Variants in ACSS1 observed in about 807,000 individuals in gnomAD.
ACSS1 encodes the protein acyl-CoA synthetase short chain family member 1.
In ACSS1, 42 loss-of-function variants were observed where a neutral mutation model predicts 75.3. The observed-to-expected ratio is 0.56, with a 90% CI of 0.44 to 0.72. The LOEUF (loss-of-function observed/expected upper bound fraction) is 0.72. Ranked by LOEUF, ACSS1 falls within the 30% of genes least tolerant of loss-of-function variation. ACSS1 has a pLI of 0.00. For synonymous variants in ACSS1, 380 were observed against 376.8 expected, an observed-to-expected ratio of 1.01 and a Z score of -0.10; for missense variants, 782 against 935.7, an observed-to-expected ratio of 0.84 and a Z score of 2.14.
chr20:25,013,573 G>A lies in ACSS1; in HGVS notation c.1542C>T (p.His514=), dbSNP rs143222563. 2 of 1,607,420 alleles carry A rather than the reference G, an allele frequency of 1.2e-6. No homozygotes were observed. The highest frequency in any genetic ancestry group is 1.1e-5 in the South Asian group (1 of 90,920). Residue 514 remains histidine, a synonymous_variant, in exon 10 of 14, where the codon CAC becomes CAT. Transcript: ENST00000323482. ...PGMARTIYGD[H]QRFVDAYFKA... ...TGAAGTAGGCGTCCACAAATCGCTG[G>A]TGGTCGCCATAGATGGTCCTGGCCA...
At chr20:25,020,292 C>T (rs2088599103) in intron 6 of ACSS1, 145 bp from the exon 7 acceptor site, 4 of 1,138,462 alleles carry the variant, frequency 3.5e-6, no homozygotes, top group Non-Finnish European at 4.9e-6. Context: ...CCCCCCACCC[C>T]CGCCAGTGAA....
In ACSS1 at chr20:25,030,870, C is replaced by A. The variant is rs200650895; in HGVS notation, c.520G>T (p.Val174Leu). The change falls in exon 3 of 14, where the codon GTG (valine) becomes TTG (leucine). Residue 174 changes from valine (V) to leucine (L), a missense_variant. Physicochemically the swap from Val to Leu is conservative, Grantham distance 32. Around this residue, in one of 2 missense-constraint regions of ACSS1, gnomAD observed 377 missense variants for 383.1 expected, o/e 0.98. Coordinates refer to ENST00000323482, the MANE Select transcript of ACSS1 (RefSeq NM_032501.4). The stretch of plus-strand genomic sequence containing the variant: ...ATTGCTGCCACAGCCAATGGGGACA[C>A]GGGCATGTAGATGGCAACACGGTCC... Reference protein sequence around the residue: ...RGDRVAIYMPVSPLAVAAMLA... With the variant: ...RGDRVAIYMPLSPLAVAAMLA... 2 of 1,614,222 alleles carry A rather than the reference C, an allele frequency of 1.2e-6. No homozygotes were observed.
chr20:25,033,897 G>A (rs928294753), intron 2 of ACSS1, among the ~76,000 whole-genome samples: 1 of 152,240 alleles, frequency 6.6e-6, no homozygotes, highest in South Asian at 2.1e-4. Context: ...AAGCTGGACA[G>A]CTAAACGACA....
At chr20:25,048,447 G>T (rs182519832) in intron 1 of ACSS1, among the ~76,000 whole-genome samples, 2 of 152,282 alleles carry the variant, frequency 1.3e-5, no homozygotes, top group East Asian at 3.9e-4. Context: ...CTGCATATTG[G>T]CATCTCCTGG....
chr20:25,016,606 G>A (rs2088520619), intron 7 of ACSS1, among the ~76,000 whole-genome samples: 1 of 152,198 alleles, frequency 6.6e-6, no homozygotes, highest in Admixed American at 6.5e-5. Flanking sequence ...CATGCTGCAT[G>A]ATCAGTGCTG....
Position 25,007,613 on chromosome 20 carries a change from C to A in ACSS1, c.*149G>T. The stretch of plus-strand genomic sequence containing the variant: ...ATGGATGGGAGAAAGGGCTCTCAGC[C>A]CAGCTTCACGTGAGGGCGGTGTGGG... On this transcript the variant is annotated 3_prime_UTR_variant, in exon 14 of 14. Coordinates refer to ENST00000323482, the MANE Select transcript of ACSS1 (RefSeq NM_032501.4). 6.7e-7 allele frequency: 1 copy of A among 1,489,860 alleles called. No homozygotes were observed. Among genetic ancestry groups the A allele is most frequent in the Non-Finnish European group, 8.9e-7 (1 of 1,128,328 alleles). 92.3% of individuals were successfully genotyped at this position (1,489,860 alleles called of 1,614,324 possible). A position where few individuals can be genotyped will look rare whatever the true frequency, so the allele number is the denominator to read the frequency against.
chr20:25,034,428 C>T (rs1462882993), intron 2 of ACSS1, among the ~76,000 whole-genome samples: 1 of 152,124 alleles, frequency 6.6e-6, no homozygotes, highest in Admixed American at 6.5e-5. Context: ...GCTTTTCCTC[C>T]CCAGGTTCTC....
At chr20:25,045,080 C>G (rs1251559062) in intron 2 of ACSS1, among the ~76,000 whole-genome samples, 1 of 152,236 alleles carries the variant, frequency 6.6e-6, no homozygotes, top group Non-Finnish European at 1.5e-5. Flanking sequence ...AGTGAGTACT[C>G]AATAAATAGC....
intron 2 of ACSS1, chr20:25,032,746 C>G (rs947985337): frequency 5.6e-6 from 6 of 1,069,746 alleles, no homozygotes; most frequent in Non-Finnish European, 6.8e-6. Flanking sequence ...CCCGGGAAAC[C>G]ACAGCAGAAT....
rs754213423 is a variant in ACSS1 at position 25,012,926 on chromosome 20, A to G, written c.1593T>C (p.Thr531=). The G allele has an allele frequency of 4.3e-6, 7 of 1,614,098 alleles. No individual in the cohort carries two copies. The highest frequency in any genetic ancestry group is 1.7e-5 in the Admixed American group (1 of 60,002). Residue 531 remains threonine (T), a synonymous_variant, in exon 11 of 14, where the codon ACT becomes ACC. Transcript: ENST00000323482. ...YFKAYPGYYF[T]GDGAYRTEGG... is the part of the protein sequence containing the mutation. ...CCTCAGTTCGGTAAGCCCCGTCTCC[A>G]GTGAAGTAATAGCCTGCACCACAGC...
At position 25,012,629 on chromosome 20, in the gene ACSS1, A is replaced by G; in HGVS notation, c.1743T>C (p.Ile581=). The change falls in exon 12 of 14, where the codon ATT becomes ATC. Residue 581 remains isoleucine, a synonymous_variant. Coordinates refer to ENST00000323482, the MANE Select transcript of ACSS1 (RefSeq NM_032501.4). ...CTCCTTTGATGTCGTGGGGGTAGCC[A>G]ATGACAGCACTTTCTGGTACTGCAG... The part of the protein sequence containing the change: ...DHPAVPESAV[I]GYPHDIKGEA... The G allele has an allele frequency of 6.2e-7, 1 of 1,614,204 alleles. No individual in the cohort carries two copies. Among genetic ancestry groups the G allele is most frequent in the Non-Finnish European group, 8.5e-7 (1 of 1,180,040 alleles).
rs1170127566 is a variant in ACSS1, at chr20:25,039,962, A to C, written c.431+8123T>G. Among the ~76,000 whole-genome samples the C allele has an allele frequency of 2.0e-5, 3 of 152,230 alleles. No individual in the cohort carries two copies. The East Asian group carries it at 5.8e-4, about 29-fold the overall frequency. ...CAGGCTGGCAGCCCAGGACAAGAGC[A>C]CACTGGGGGACTGGAGTCCTGGAAG... On this transcript the variant is annotated intron_variant, in intron 2 of 13. Transcript: ENST00000323482.
At chr20:25,022,127 C>T (rs12480685) in intron 5 of ACSS1, among the ~76,000 whole-genome samples, 5,405 of 152,182 alleles carry the variant, frequency 0.036, 159 homozygotes, top group African/African-American at 0.077. Context: ...GAGGCCAAGG[C>T]GGGCAGATCA....
Position 25,019,352 on chromosome 20 carries a change from T to C in ACSS1, c.1246+658A>G, listed in dbSNP as rs531235170. On this transcript the variant is annotated intron_variant, in intron 7 of 13. Coordinates refer to ENST00000323482, the MANE Select transcript of ACSS1 (RefSeq NM_032501.4). Reference sequence around the variant, plus strand: ...CATTTCCAAAATGTTTCCATGTGATTTGGCAATATCCATCAACATTACCAA... The same window carrying C: ...CATTTCCAAAATGTTTCCATGTGATCTGGCAATATCCATCAACATTACCAA... 7.2e-5 allele frequency among the ~76,000 whole-genome samples: 11 copies of C among 152,336 alleles called. No individual in the cohort carries two copies. In the South Asian group the frequency reaches 2.1e-3, roughly 29 times the overall value.
In ACSS1 at chr20:25,007,625, G is replaced by A. The variant is rs2088331664; in HGVS notation, c.*137C>T. The A allele has an allele frequency of 2.0e-6, 3 of 1,502,720 alleles. No homozygotes were observed. Among genetic ancestry groups the A allele is most frequent in the Non-Finnish European group, 2.6e-6 (3 of 1,134,558 alleles). The allele number at this position is 1,502,720 out of a possible 1,614,324, so 93.1% of individuals were successfully genotyped here. On this transcript the variant is annotated 3_prime_UTR_variant, in exon 14 of 14. Coordinates refer to ENST00000323482, the MANE Select transcript of ACSS1 (RefSeq NM_032501.4). ...AAGGGCTCTCAGCCCAGCTTCACGT[G>A]AGGGCGGTGTGGGTCATGTGTGGGG... is the stretch of plus-strand genomic sequence containing the variant.
At chr20:25,029,650 T>G (rs2088787378) in intron 3 of ACSS1, among the ~76,000 whole-genome samples, 1 of 152,172 alleles carries the variant, frequency 6.6e-6, no homozygotes, top group East Asian at 1.9e-4. Flanking sequence ...ATTAAAAATA[T>G]GAAATACCGA....
At chr20:25,020,938 A>G (rs1235560901) in intron 6 of ACSS1, among the ~76,000 whole-genome samples, 1 of 152,250 alleles carries the variant, frequency 6.6e-6, no homozygotes, top group Non-Finnish European at 1.5e-5. Flanking sequence ...CTTCAAAGTG[A>G]TCTCAATTTA....
At chr20:25,041,958 G>A (rs1310712069) in intron 2 of ACSS1, among the ~76,000 whole-genome samples, 2 of 152,170 alleles carry the variant, frequency 1.3e-5, no homozygotes, top group Non-Finnish European at 2.9e-5. Context: ...ATCCAAGAAG[G>A]TACAGGTGGG....
intron 2 of ACSS1, among the ~76,000 whole-genome samples, chr20:25,033,230 G>A (rs562390395): frequency 1.4e-5 from 2 of 139,050 alleles, no homozygotes; most frequent in Admixed American, 1.4e-4. Context: ...ATGAAGGCTT[G>A]AATTATGCTC....
Sources: allele counts gnomAD v4.1 joint callset (sites outside exome capture counted in the v4.1 genomes callset), GRCh38; gene constraint gnomAD v4.1.1; regional missense constraint gnomAD v4.1.1; transcripts MANE v1.5; gene names NCBI Gene and HGNC (gene_info 2026-07-23, HGNC 2026-07-21).